The following CFAP47 variants were observed in gnomAD, a reference collection of about 807,000 sequenced individuals.
CFAP47 encodes the protein cilia and flagella associated protein 47.
In CFAP47, 29 loss-of-function variants were observed where a neutral mutation model predicts 148.1. The ratio of observed to expected loss-of-function variants is 0.20; its 90% confidence interval spans 0.15 to 0.27. The LOEUF (loss-of-function observed/expected upper bound fraction) is 0.27, where lower values mean the gene tolerates loss of function less well. Ranked by LOEUF, CFAP47 falls within the 10% of genes least tolerant of loss-of-function variation. The pLI, the probability that CFAP47 is intolerant of heterozygous loss-of-function variation, is 1.00. For missense variants in CFAP47, 1,872 were observed against 1,697.5 expected (o/e 1.10, Z -1.81); for synonymous variants, 664 against 577.3 (o/e 1.15, Z -2.15).
intron 10 of CFAP47, among the ~76,000 whole-genome samples, chrX:35,968,451 G>A (rs932087126): frequency 3.6e-5 from 4 of 111,612 alleles, no homozygotes; most frequent in East Asian, 5.6e-4. Context: ...CAGGCATCCC[G>A]ACATGCTTAT....
chrX:36,228,018 T>C lies in CFAP47; in HGVS notation c.6818-610T>C, dbSNP rs1316438201. ...TGTTGTAACGGGGTGTTATGAGAAG[T>C]ATTAATTACACATGCACTTTTCTGG... On this transcript the variant is annotated intron_variant, in intron 45 of 63. Transcript: ENST00000378653. Among the ~76,000 whole-genome samples the C allele has an allele frequency of 5.4e-5, 6 of 111,453 alleles. No homozygotes were observed. The Admixed American group carries it at 5.8e-4, about 11-fold the overall frequency.
intron 1 of CFAP47, among the ~76,000 whole-genome samples, chrX:35,924,158 T>C (rs1239540800): frequency 2.0e-5 from 2 of 101,742 alleles, no homozygotes; most frequent in African/African-American, 3.9e-5. Context: ...TGCGTACATA[T>C]ATGTATATAT....
At chrX:36,221,489 G>A (rs1940213269) in intron 45 of CFAP47, among the ~76,000 whole-genome samples, 1 of 111,053 alleles carries the variant, frequency 9.0e-6, no homozygotes, top group South Asian at 3.7e-4. Context: ...AATAAAATGG[G>A]ATAAAGTGTG....
At chrX:36,228,383 C>G (rs1940295212) in intron 45 of CFAP47, among the ~76,000 whole-genome samples, 1 of 110,885 alleles carries the variant, frequency 9.0e-6, no homozygotes, top group Non-Finnish European at 1.9e-5. Flanking sequence ...GTATCTTTCA[C>G]AGTATGGAGT....
intron 57 of CFAP47, among the ~76,000 whole-genome samples, chrX:36,322,950 A>G (rs1184107860): frequency 1.8e-5 from 2 of 111,552 alleles, no homozygotes; most frequent in African/African-American, 6.5e-5. Context: ...CATTAAGAGT[A>G]CAACAGAAAT....
At chrX:36,383,715 G>T (rs1405935528) in intron 63 of CFAP47, among the ~76,000 whole-genome samples, 2 of 110,852 alleles carry the variant, frequency 1.8e-5, no homozygotes, top group Non-Finnish European at 3.8e-5. Flanking sequence ...TTGTATTGTT[G>T]TGCAAGACAT....
chrX:36,322,007 T>C (rs1941482711), intron 57 of CFAP47, among the ~76,000 whole-genome samples: 1 of 111,374 alleles, frequency 9.0e-6, no homozygotes, highest in Non-Finnish European at 1.9e-5. Flanking sequence ...AGGCAACTTT[T>C]ACTCCTTCAA....
At chrX:35,934,257 G>T (rs1185697253) in intron 2 of CFAP47, among the ~76,000 whole-genome samples, 1 of 111,123 alleles carries the variant, frequency 9.0e-6, no homozygotes, top group Non-Finnish European at 1.9e-5. Flanking sequence ...GGCTGAGCTG[G>T]TACTCAAACC....
intron 32 of CFAP47, among the ~76,000 whole-genome samples, chrX:36,102,607 A>G (rs1040704391): frequency 9.0e-6 from 1 of 111,157 alleles, no homozygotes; most frequent in African/African-American, 3.3e-5. Context: ...ATTCTTAGTC[A>G]AGGGTCACTT....
At chrX:36,382,310 C>A (rs184707100) in intron 63 of CFAP47, among the ~76,000 whole-genome samples, 80 of 111,531 alleles carry the variant, frequency 7.2e-4, no homozygotes, top group Non-Finnish European at 1.3e-3. Flanking sequence ...ATACAGTAAC[C>A]GCCACTATTC....
In CFAP47 at chrX:36,138,358, A is replaced by T; in HGVS notation, c.5429A>T (p.His1810Leu). ...GAYCPFLIES[H>L]FINMYTRPKS... ...TTTTTTTTTTTACAGATTGAGTCTC[A>T]TTTTATAAATATGTACACACGACCA... Residue 1810 changes from histidine to leucine, a missense_variant, in exon 35 of 64, where the codon CAT becomes CTT. Physicochemically the swap from His to Leu is moderately conservative, Grantham distance 99. Coordinates refer to ENST00000378653, the MANE Select transcript of CFAP47 (RefSeq NM_001304548.2). 1 of 1,123,892 alleles carries T rather than the reference A, an allele frequency of 8.9e-7. No homozygotes were observed. The highest frequency in any genetic ancestry group is 3.4e-5 in the Admixed American group (1 of 29,628). 92.6% of individuals were successfully genotyped at this position (1,123,892 alleles called of 1,213,427 possible). A position where few individuals can be genotyped will look rare whatever the true frequency, so the allele number is the denominator to read the frequency against.
intron 26 of CFAP47, among the ~76,000 whole-genome samples, chrX:36,061,249 T>C (rs765239703): frequency 5.4e-5 from 6 of 111,913 alleles, no homozygotes; most frequent in Admixed American, 9.5e-5. Context: ...TCCCCAGGCA[T>C]GCCCTCCTGT....
intron 33 of CFAP47, among the ~76,000 whole-genome samples, chrX:36,109,655 T>C (rs778057934): frequency 1.0e-4 from 11 of 110,502 alleles, no homozygotes; most frequent in African/African-American, 3.6e-4. Context: ...TTTGTATTTT[T>C]AGTAGAGACG....
chrX:36,236,863 A>G lies in CFAP47; in HGVS notation c.7332+4A>G, dbSNP rs1555994789. The G allele has an allele frequency of 2.3e-6, 1 of 444,246 alleles. No individual in the cohort carries two copies. The highest frequency in any genetic ancestry group is 2.5e-5 in the African/African-American group (1 of 39,686). 36.6% of individuals were successfully genotyped at this position (444,246 alleles called of 1,213,427 possible). On this transcript the variant is annotated splice_donor_region_variant and intron_variant, in intron 48 of 63. Transcript: ENST00000378653. Reference sequence around the variant, plus strand: ...AAATACTGCCCTAACATTTAAGGTAAGAATTTATTTTTAGTGTGAAAGTGT... The same window carrying G: ...AAATACTGCCCTAACATTTAAGGTAGGAATTTATTTTTAGTGTGAAAGTGT...
chrX:36,100,153 C>A (rs1938350006), intron 32 of CFAP47, among the ~76,000 whole-genome samples: 1 of 111,141 alleles, frequency 9.0e-6, no homozygotes, highest in Non-Finnish European at 1.9e-5. Context: ...AAGGAGTTAC[C>A]TTTTAAGGAT....
At chrX:36,363,464 A>C (rs1040702906) in intron 61 of CFAP47, among the ~76,000 whole-genome samples, 11 of 111,869 alleles carry the variant, frequency 9.8e-5, no homozygotes, top group African/African-American at 3.6e-4. Context: ...GTAAACATAC[A>C]GTATTATAAT....
At chrX:36,067,061 T>C (rs1268564539) in intron 27 of CFAP47, among the ~76,000 whole-genome samples, 1 of 111,819 alleles carries the variant, frequency 8.9e-6, no homozygotes, top group African/African-American at 3.3e-5. Flanking sequence ...ATACCATACT[T>C]CTTTTGGTCT....
rs1003807829 is a variant in CFAP47 at position 36,319,286 on chromosome X, A to G, written c.8422A>G (p.Ser2808Gly). The G allele has an allele frequency of 3.7e-6, 4 of 1,072,132 alleles. No individual in the cohort carries two copies. The highest frequency in any genetic ancestry group is 1.9e-5 in the African/African-American group (1 of 52,962). The allele number at this position is 1,072,132 out of a possible 1,213,427, so 88.4% of individuals were successfully genotyped here. Residue 2808 changes from serine (S) to glycine (G), a missense_variant, in exon 57 of 64, where the codon AGT becomes GGT. Coordinates refer to ENST00000378653, the MANE Select transcript of CFAP47 (RefSeq NM_001304548.2). ...FIYESSAFRF[S>G]SPSEIQGIAL... ...CTATGAGAGTTCTGCCTTCAGATTT[A>G]GTTCTCCGAGTGAAATACAAGGTAC...
chrX:35,997,351 G>C lies in CFAP47; in HGVS notation c.3139G>C (p.Gly1047Arg). Reference sequence around the variant, plus strand: ...TGCGAATGTTATAGACCTTAGGATTGGTGGATCTGCTGAAATTGCTGATGT... The same window carrying C: ...TGCGAATGTTATAGACCTTAGGATTCGTGGATCTGCTGAAATTGCTGATGT... ...RHANVIDLRI[G>R]GSAEIADVEI... The change falls in exon 19 of 64, where the codon GGT becomes CGT. Residue 1047 changes from glycine to arginine, a missense_variant. Physicochemically the swap from Gly to Arg is moderately radical, Grantham distance 125. Coordinates refer to ENST00000378653, the MANE Select transcript of CFAP47 (RefSeq NM_001304548.2). 2 of 295,557 alleles carry C rather than the reference G, an allele frequency of 6.8e-6. No individual in the cohort carries two copies. Among genetic ancestry groups the C allele is most frequent in the Non-Finnish European group, 1.2e-5 (2 of 168,906 alleles). The allele number at this position is 295,557 out of a possible 1,213,427, so 24.4% of individuals were successfully genotyped here. A position where few individuals can be genotyped will look rare whatever the true frequency, so the allele number is the denominator to read the frequency against.
Sources: gnomAD v4.1 joint callset for allele counts (sites outside exome capture counted in the v4.1 genomes callset) on GRCh38, gnomAD v4.1.1 for gene constraint, MANE v1.5 for transcripts, NCBI Gene and HGNC (gene_info 2026-07-23, HGNC 2026-07-21) for gene names.